Variants in USP37 observed in about 807,000 individuals in gnomAD.
USP37 encodes the protein ubiquitin specific peptidase 37.
In USP37, 27 loss-of-function variants were observed where a neutral mutation model predicts 124.0. That is an observed-to-expected ratio of 0.22 (90% confidence interval 0.16 to 0.30). The LOEUF (loss-of-function observed/expected upper bound fraction) is 0.30, where lower values mean the gene tolerates loss of function less well. Ranked by LOEUF, USP37 falls within the 10% of genes least tolerant of loss-of-function variation. USP37 has a pLI of 1.00. For missense variants in USP37, 889 were observed against 1,140.4 expected (o/e 0.78, Z 3.17); for synonymous variants, 365 against 388.0 (o/e 0.94, Z 0.70).
chr2:218,496,945 C>T (rs1295801570), intron 13 of USP37, among the ~76,000 whole-genome samples: 3 of 152,016 alleles, frequency 2.0e-5, no homozygotes, highest in Non-Finnish European at 4.4e-5. Flanking sequence ...GCTACCGCAC[C>T]CAGCCTCTCC....
rs1433061629 is a variant in USP37, at chr2:218,563,073, G to A, written c.-229-260C>T. On this transcript the variant is annotated intron_variant, in intron 1 of 25. Coordinates refer to ENST00000258399, the MANE Select transcript of USP37 (RefSeq NM_020935.3). Reference sequence around the variant, plus strand: ...AGCTACTCGGGAGGCTGAGGCAGGAGAATTGCTTGAACCCAGGAGGTGGAG... The same window carrying A: ...AGCTACTCGGGAGGCTGAGGCAGGAAAATTGCTTGAACCCAGGAGGTGGAG... Among the ~76,000 whole-genome samples the A allele has an allele frequency of 4.0e-5, 6 of 149,770 alleles. No homozygotes were observed. In the East Asian group the frequency reaches 9.9e-4, roughly 25 times the overall value.
chr2:218,488,624 T>C (rs1691727878), intron 14 of USP37, among the ~76,000 whole-genome samples: 1 of 152,202 alleles, frequency 6.6e-6, no homozygotes, highest in Non-Finnish European at 1.5e-5. Context: ...TGCAAGTATT[T>C]AAGTACTTTA....
intron 22 of USP37, among the ~76,000 whole-genome samples, chr2:218,462,309 C>G (rs1054510160): frequency 6.6e-6 from 1 of 152,062 alleles, no homozygotes; most frequent in Non-Finnish European, 1.5e-5. Flanking sequence ...CACTCCAGGC[C>G]CTGGGCAACA....
chr2:218,493,827 G>C (rs1163346131), intron 14 of USP37, among the ~76,000 whole-genome samples: 3 of 152,078 alleles, frequency 2.0e-5, no homozygotes, highest in African/African-American at 7.2e-5. Context: ...CAGCTCCCCA[G>C]ACCTGACTGA....
intron 4 of USP37, among the ~76,000 whole-genome samples, chr2:218,556,954 A>G (rs548413711): frequency 1.3e-5 from 2 of 152,254 alleles, no homozygotes; most frequent in Admixed American, 1.3e-4. Flanking sequence ...TGGCATGATC[A>G]CAGGCTCAAG....
intron 18 of USP37, among the ~76,000 whole-genome samples, chr2:218,479,280 C>A (rs1319093321): frequency 6.6e-6 from 1 of 152,094 alleles, no homozygotes; most frequent in African/African-American, 2.4e-5. Context: ...GGATTCCATG[C>A]CTATCTTTAA....
At position 218,553,700 on chromosome 2, in the gene USP37, C is replaced by A. The variant is rs751739002; in HGVS notation, c.181G>T (p.Val61Leu). 1.9e-6 allele frequency: 3 copies of A among 1,610,828 alleles called. No homozygotes were observed. The Admixed American group carries it at 5.0e-5, about 27-fold the overall frequency. ...FQLSHNIKNV[V>L]LRPSGAKQSR... ...TGTTTCGCTCCACTGGGTCGAAGCACCACATTTTTAATGTTATGACTTAGC... is the reference window on the plus strand; with the variant it reads ...TGTTTCGCTCCACTGGGTCGAAGCAACACATTTTTAATGTTATGACTTAGC... Residue 61 changes from valine (V) to leucine (L), a missense_variant, in exon 5 of 26, where the codon GTG becomes TTG. Physicochemically the swap from Val to Leu is conservative, Grantham distance 32. Transcript: ENST00000258399.
At chr2:218,486,066 C>T in intron 15 of USP37, 1 of 232,806 alleles carries the variant, frequency 4.3e-6, no homozygotes, top group Non-Finnish European at 8.2e-6. Flanking sequence ...GAACCACTAC[C>T]AAGAGTATAT....
At chr2:218,523,962 A>G (rs1351025540) in intron 10 of USP37, among the ~76,000 whole-genome samples, 1 of 152,218 alleles carries the variant, frequency 6.6e-6, no homozygotes, top group Non-Finnish European at 1.5e-5. Flanking sequence ...AGTTTTTGAC[A>G]GATAACTTTT....
intron 10 of USP37, among the ~76,000 whole-genome samples, chr2:218,522,444 T>A (rs1449401992): frequency 6.7e-6 from 1 of 150,354 alleles, no homozygotes; most frequent in African/African-American, 2.5e-5. Context: ...ACACCTGTAG[T>A]CCCAGTTATT....
At position 218,454,468 on chromosome 2, in the gene USP37, A is replaced by G. The variant is rs1280723700; in HGVS notation, c.*462T>C. On this transcript the variant is annotated 3_prime_UTR_variant, in exon 26 of 26. Coordinates refer to ENST00000258399, the MANE Select transcript of USP37 (RefSeq NM_020935.3). ...CTACTCAAGGAACATAAAAGCTAAA[A>G]GCCAACTGATAAGTATGTCTTCACA... The G allele has an allele frequency of 6.5e-6, 1 of 153,182 alleles. No individual in the cohort carries two copies. The highest frequency in any genetic ancestry group is 1.5e-5 in the Non-Finnish European group (1 of 68,442). The allele number at this position is 153,182 out of a possible 1,614,324, so 9.5% of individuals were successfully genotyped here. A position where few individuals can be genotyped will look rare whatever the true frequency, so the allele number is the denominator to read the frequency against.
At chr2:218,456,961 C>T in intron 24 of USP37, 131 bp downstream of exon 24, 1 of 884,632 alleles carries the variant, frequency 1.1e-6, no homozygotes, top group Non-Finnish European at 1.6e-6. Context: ...CAGAGTGAGA[C>T]TGGATCTCAA....
intron 24 of USP37, among the ~76,000 whole-genome samples, chr2:218,456,397 T>C (rs1159802799): frequency 1.3e-5 from 2 of 150,678 alleles, no homozygotes; most frequent in African/African-American, 4.9e-5. Context: ...AATTCAGTGC[T>C]GCAATGAGCT....
rs1304259093 is a variant in USP37, at chr2:218,558,655, T to C, written c.-2A>G. On this transcript the variant is annotated 5_prime_UTR_variant, in exon 4 of 26. Transcript: ENST00000258399. ...ACCATGTATCTTCAGAGGAGACATA[T>C]TTTCTTTAAAAATTGCTTCTGGCTA... The C allele has an allele frequency of 2.5e-6, 4 of 1,587,838 alleles. No homozygotes were observed. Among genetic ancestry groups the C allele is most frequent in the Non-Finnish European group, 3.4e-6 (4 of 1,168,476 alleles).
At chr2:218,522,841 A>AT (rs1690733766) in intron 10 of USP37, among the ~76,000 whole-genome samples, 2 of 152,122 alleles carry the variant, frequency 1.3e-5, no homozygotes, top group Admixed American at 6.5e-5. Flanking sequence ...AAATGCTTGG[A>AT]AAGAAGAGTT....
chr2:218,471,139 AG>A (rs1191058054), intron 20 of USP37, among the ~76,000 whole-genome samples: 9 of 152,332 alleles, frequency 5.9e-5, no homozygotes, highest in African/African-American at 1.9e-4. Flanking sequence ...GATTTTCTTT[AG>A]CAATCTTCAC....
chr2:218,482,158 T>C lies in USP37; in HGVS notation c.1747A>G (p.Ile583Val), dbSNP rs762937360. The change falls in exon 17 of 26, where the codon ATC becomes GTC. Residue 583 changes from isoleucine to valine, a missense_variant. By Grantham distance (29) the Ile-to-Val change is conservative. Transcript: ENST00000258399. ...SLNNKIGQQV[I>V]IPRYLTLSSH... ...GACAGGGTCAGGTATCTTGGAATGA[T>C]GACTTGCTGCCCAATCTTATTGTTA... is the stretch of plus-strand genomic sequence containing the variant. The C allele has an allele frequency of 1.2e-6, 2 of 1,614,086 alleles. No individual in the cohort carries two copies. The highest frequency in any genetic ancestry group is 1.6e-4 in the Middle Eastern group (1 of 6,062).
At chr2:218,477,105 T>C (rs1323581420) in intron 18 of USP37, 124 bp from the exon 19 acceptor site, 10 of 1,116,828 alleles carry the variant, frequency 9.0e-6, no homozygotes, top group African/African-American at 1.6e-5. Context: ...AAAAAAGATA[T>C]ATCAAAAGAG....
At position 218,466,253 on chromosome 2, in the gene USP37, T is replaced by G. The variant is rs1016398763; in HGVS notation, c.2300-77A>C. On this transcript the variant is annotated intron_variant, in intron 20 of 25. Transcript: ENST00000258399. ...TTCTGAACTAGAGTGACACCTACTG[T>G]TCATAAAGCAATTTACCCTAATTTC... 4 of 1,446,052 alleles carry G rather than the reference T, an allele frequency of 2.8e-6. No homozygotes were observed. The African/African-American group carries it at 4.3e-5, about 15-fold the overall frequency. 89.6% of individuals were successfully genotyped at this position (1,446,052 alleles called of 1,614,324 possible).
Sources: allele counts gnomAD v4.1 joint callset (sites outside exome capture counted in the v4.1 genomes callset), GRCh38; gene constraint gnomAD v4.1.1; transcripts MANE v1.5; gene names NCBI Gene and HGNC (gene_info 2026-07-23, HGNC 2026-07-21).